The following FZD3 variants were observed in gnomAD, a reference collection of about 807,000 sequenced individuals.
The protein encoded by FZD3 is frizzled-3.
In FZD3, 30 loss-of-function variants were observed where a neutral mutation model predicts 60.7. The ratio of observed to expected loss-of-function variants is 0.49; its 90% CI spans 0.37 to 0.67. The LOEUF (loss-of-function observed/expected upper bound fraction) is 0.67, where lower values mean the gene tolerates loss of function less well. Ranked by LOEUF, FZD3 falls within the 30% of genes least tolerant of loss-of-function variation. FZD3 has a pLI of 0.00. For missense variants in FZD3, 605 were observed against 838.7 expected (o/e 0.72, Z 3.44); for synonymous variants, 246 against 275.2 (o/e 0.89, Z 1.05).
chr8:28,507,607 A>G (rs983846888), intron 3 of FZD3, among the ~76,000 whole-genome samples: 3 of 152,156 alleles, frequency 2.0e-5, no homozygotes, highest in Non-Finnish European at 4.4e-5. Context: ...ATATTTGGAA[A>G]CTTCTCATTG....
At position 28,524,200 on chromosome 8, in the gene FZD3, T is replaced by C. The variant is rs1804658499; in HGVS notation, c.387-2947T>C. Among the ~76,000 whole-genome samples, 3 of 152,360 alleles carry C rather than the reference T, an allele frequency of 2.0e-5. No individual in the cohort carries two copies. The South Asian group carries it at 6.2e-4, about 32-fold the overall frequency. Reference sequence around the variant, plus strand: ...AGAATTTTTATCTTTTTATCCTAAATAGACCCTTCCTGATCTCATTTGTTT... The same window carrying C: ...AGAATTTTTATCTTTTTATCCTAAACAGACCCTTCCTGATCTCATTTGTTT... On this transcript the variant is annotated intron_variant, in intron 4 of 7. Coordinates refer to ENST00000240093, the MANE Select transcript of FZD3 (RefSeq NM_017412.4).
chr8:28,552,518 CTCTG>C (rs1805431670), intron 6 of FZD3, among the ~76,000 whole-genome samples: 1 of 152,150 alleles, frequency 6.6e-6, no homozygotes, highest in South Asian at 2.1e-4. Flanking sequence ...TCATAGGTAT[CTCTG>C]TCTGAATTAT....
At chr8:28,558,238 C>T (rs1019973921) in intron 7 of FZD3, among the ~76,000 whole-genome samples, 5 of 151,988 alleles carry the variant, frequency 3.3e-5, no homozygotes, top group African/African-American at 7.3e-5. Flanking sequence ...GCAATAGCAT[C>T]GGAATGAAGG....
chr8:28,543,313 A>G (rs1219727914), intron 5 of FZD3, among the ~76,000 whole-genome samples: 1 of 151,790 alleles, frequency 6.6e-6, no homozygotes, highest in Non-Finnish European at 1.5e-5. Context: ...TTTATTGAGT[A>G]TAAGCCAGTG....
In FZD3 at chr8:28,571,527, A is replaced by G. The variant is rs1311852241; in HGVS notation, c.*8516A>G. ...TCTCTTGCCATCAGGTGCTATTTCT[A>G]CCTTAGCTGTGAGTTAGACTAAATC... On this transcript the variant is annotated 3_prime_UTR_variant, in exon 8 of 8. Transcript: ENST00000240093. 1.3e-5 allele frequency: 2 copies of G among 152,092 alleles called. No individual in the cohort carries two copies. The highest frequency in any genetic ancestry group is 2.4e-5 in the African/African-American group (1 of 41,428). 9.4% of individuals were successfully genotyped at this position (152,092 alleles called of 1,614,324 possible).
chr8:28,552,334 G>T (rs1805428317), intron 6 of FZD3, among the ~76,000 whole-genome samples: 1 of 152,150 alleles, frequency 6.6e-6, no homozygotes, highest in African/African-American at 2.4e-5. Context: ...ATTGAAATGT[G>T]TTAGAGGTTA....
chr8:28,495,318 G>A (rs566293878), intron 1 of FZD3, among the ~76,000 whole-genome samples: 1 of 152,278 alleles, frequency 6.6e-6, no homozygotes, highest in African/African-American at 2.4e-5. Context: ...ATGACTCTTT[G>A]AATTTTGGTT....
intron 3 of FZD3, among the ~76,000 whole-genome samples, chr8:28,515,669 TG>T (rs1218794375): frequency 1.3e-5 from 2 of 152,204 alleles, no homozygotes; most frequent in African/African-American, 4.8e-5. Context: ...AAAACGCTGC[TG>T]TTTTGCCTCT....
rs566937390 is a variant in FZD3, at chr8:28,520,890, G to T, written c.386+56G>T. ...TTCTTATGTTGCAATATGTTTAAAA[G>T]TACTTGTCTTCTTTTCCATCTGTTT... On this transcript the variant is annotated intron_variant, in intron 4 of 7. Transcript: ENST00000240093. 21 of 1,177,624 alleles carry T rather than the reference G, an allele frequency of 1.8e-5. No homozygotes were observed. In the South Asian group the frequency reaches 4.0e-4, roughly 23 times the overall value. The allele number at this position is 1,177,624 out of a possible 1,614,324, so 72.9% of individuals were successfully genotyped here.
chr8:28,529,600 A>G (rs1029804429), intron 5 of FZD3, among the ~76,000 whole-genome samples: 19 of 152,202 alleles, frequency 1.2e-4, no homozygotes, highest in Middle Eastern at 3.2e-3. Context: ...TGGGGTTAGC[A>G]CATAATAAAT....
intron 5 of FZD3, among the ~76,000 whole-genome samples, chr8:28,540,556 C>T (rs780048221): frequency 7.2e-5 from 11 of 151,906 alleles, no homozygotes; most frequent in Non-Finnish European, 8.8e-5. Context: ...AGGAATATAA[C>T]GTTTTCAGGA....
Position 28,563,199 on chromosome 8 carries a change from C to T in FZD3, c.*188C>T. On this transcript the variant is annotated 3_prime_UTR_variant, in exon 8 of 8. Coordinates refer to ENST00000240093, the MANE Select transcript of FZD3 (RefSeq NM_017412.4). Reference sequence around the variant, plus strand: ...ACTTGGAACATCAAGGCATCCAAAACACTAAGAATTCTATCATCACAAAAA... The same window carrying T: ...ACTTGGAACATCAAGGCATCCAAAATACTAAGAATTCTATCATCACAAAAA... The T allele has an allele frequency of 1.8e-6, 1 of 566,098 alleles. No individual in the cohort carries two copies. Among genetic ancestry groups the T allele is most frequent in the Non-Finnish European group, 3.2e-6 (1 of 314,566 alleles). The allele number at this position is 566,098 out of a possible 1,614,324, so 35.1% of individuals were successfully genotyped here.
chr8:28,523,681 C>A (rs1295069592), intron 4 of FZD3, among the ~76,000 whole-genome samples: 1 of 152,044 alleles, frequency 6.6e-6, no homozygotes, highest in Non-Finnish European at 1.5e-5. Flanking sequence ...AAGCAGGCCT[C>A]CTAAAGTGCT....
At chr8:28,556,804 A>G (rs937226712) in intron 7 of FZD3, among the ~76,000 whole-genome samples, 5 of 152,230 alleles carry the variant, frequency 3.3e-5, no homozygotes, top group African/African-American at 1.2e-4. Flanking sequence ...CCTGTTTACT[A>G]GGTACAGTAG....
At chr8:28,520,958 GA>G in intron 4 of FZD3, 124 bp downstream of exon 4, 1 of 486,860 alleles carries the variant, frequency 2.1e-6, no homozygotes, top group African/African-American at 2.0e-5. Flanking sequence ...CATTAATTTT[GA>G]ACAGTTTTAT....
At chr8:28,545,874 G>T (rs907311751) in intron 5 of FZD3, among the ~76,000 whole-genome samples, 2 of 152,140 alleles carry the variant, frequency 1.3e-5, no homozygotes, top group Non-Finnish European at 2.9e-5. Flanking sequence ...ACATAACAAT[G>T]TTTCAGTCAA....
intron 1 of FZD3, among the ~76,000 whole-genome samples, chr8:28,498,422 A>G (rs113829663): frequency 6.6e-5 from 10 of 152,052 alleles, no homozygotes; most frequent in African/African-American, 2.2e-4. Context: ...AATCTTTGCT[A>G]TGTCCTGCAA....
rs1805730212 is a variant in FZD3 at position 28,567,760 on chromosome 8, T to TG, written c.*4751dup. On this transcript the variant is annotated 3_prime_UTR_variant, in exon 8 of 8. Coordinates refer to ENST00000240093, the MANE Select transcript of FZD3 (RefSeq NM_017412.4). ...AGTAGGTTATGCTCTTAAATTGTAT[T>TG]GGTTCTTTAATATGTGTTATACCAG... 1 of 152,212 alleles carries TG rather than the reference T, an allele frequency of 6.6e-6. No homozygotes were observed. Among genetic ancestry groups the TG allele is most frequent in the African/African-American group, 2.4e-5 (1 of 41,460 alleles). 9.4% of individuals were successfully genotyped at this position (152,212 alleles called of 1,614,324 possible).
rs1278386972 is a variant in FZD3, at chr8:28,566,058, A to G, written c.*3047A>G. On this transcript the variant is annotated 3_prime_UTR_variant, in exon 8 of 8. Coordinates refer to ENST00000240093, the MANE Select transcript of FZD3 (RefSeq NM_017412.4). ...TTGTTTCAAAGAACAATTGGTTAAT[A>G]ACTCAGCTGGCACAGGGATTCATAC... 6.6e-6 allele frequency: 1 copy of G among 152,196 alleles called. No individual in the cohort carries two copies. The highest frequency in any genetic ancestry group is 1.5e-5 in the Non-Finnish European group (1 of 68,004). 9.4% of individuals were successfully genotyped at this position (152,196 alleles called of 1,614,324 possible). A position where few individuals can be genotyped will look rare whatever the true frequency, so the allele number is the denominator to read the frequency against.
Sources: gnomAD v4.1 joint callset for allele counts (sites outside exome capture counted in the v4.1 genomes callset) on GRCh38, gnomAD v4.1.1 for gene constraint, MANE v1.5 for transcripts, NCBI Gene and HGNC (gene_info 2026-07-23, HGNC 2026-07-21) for gene names.